The following CADPS variants were observed in gnomAD, a reference collection of about 807,000 sequenced individuals.
CADPS encodes calcium-dependent secretion activator 1.
In CADPS, 57 loss-of-function variants were observed where a neutral mutation model predicts 167.3. The observed-to-expected ratio is 0.34, with a 90% CI of 0.28 to 0.42. The LOEUF (loss-of-function observed/expected upper bound fraction) is 0.42. Ranked by LOEUF, CADPS falls within the 20% of genes least tolerant of loss-of-function variation. The pLI is 1.00. For synonymous variants in CADPS, 676 were observed against 635.3 expected, an observed-to-expected ratio of 1.06 and a Z score of -0.96; for missense variants, 1,414 against 1,738.1, an observed-to-expected ratio of 0.81 and a Z score of 3.32.
At chr3:62,833,993 C>CT (rs1295592998) in intron 1 of CADPS, among the ~76,000 whole-genome samples, 1 of 152,186 alleles carries the variant, frequency 6.6e-6, no homozygotes, top group South Asian at 2.1e-4. Flanking sequence ...CAAATGATCT[C>CT]TTCCTGATGT....
chr3:62,481,291 T>G (rs1447408210), intron 22 of CADPS, among the ~76,000 whole-genome samples: 1 of 152,154 alleles, frequency 6.6e-6, no homozygotes, highest in Non-Finnish European at 1.5e-5. Context: ...CTCTAGGAAT[T>G]TTTTATTTTT....
chr3:62,547,403 T>C (rs2076622390), intron 11 of CADPS, among the ~76,000 whole-genome samples: 1 of 152,110 alleles, frequency 6.6e-6, no homozygotes, highest in African/African-American at 2.4e-5. Flanking sequence ...TAGAACCTGG[T>C]AGATGTAGCA....
rs536259167 is a variant in CADPS, at chr3:62,676,370, T to G, written c.889-13976A>C. ...TTTCATCCTCCATGTAACAGGGAAC[T>G]GTCAATATCCTAACATGGTCTATGC... On this transcript the variant is annotated intron_variant, in intron 3 of 29. Transcript: ENST00000383710. 2.8e-3 allele frequency among the ~76,000 whole-genome samples: 420 copies of G among 152,288 alleles called. 1 individual carries two copies. Among genetic ancestry groups the G allele is most frequent in the Non-Finnish European group, 4.5e-3 (306 of 68,014 alleles).
chr3:62,609,473 G>A (rs1380842692), intron 6 of CADPS, among the ~76,000 whole-genome samples: 2 of 152,150 alleles, frequency 1.3e-5, no homozygotes, highest in Non-Finnish European at 2.9e-5. Flanking sequence ...GTAAAGCCAG[G>A]CATAGCCAGT....
rs532016740 is a variant in CADPS, at chr3:62,742,365, G to A, written c.888+11076C>T. Reference sequence around the variant, plus strand: ...CAAAGCTGAAGGCATCATTCTACCTGACTTCAAACTATACTACAGGGCTAC... The same window carrying A: ...CAAAGCTGAAGGCATCATTCTACCTAACTTCAAACTATACTACAGGGCTAC... On this transcript the variant is annotated intron_variant, in intron 3 of 29. Coordinates refer to ENST00000383710, the MANE Select transcript of CADPS (RefSeq NM_003716.4). Among the ~76,000 whole-genome samples, 5 of 152,244 alleles carry A rather than the reference G, an allele frequency of 3.3e-5. No individual in the cohort carries two copies. In the South Asian group the frequency reaches 1.0e-3, roughly 32 times the overall value.
At chr3:62,408,916 T>C (rs985108655) in intron 28 of CADPS, among the ~76,000 whole-genome samples, 1 of 152,248 alleles carries the variant, frequency 6.6e-6, no homozygotes, top group Non-Finnish European at 1.5e-5. Context: ...TAGAGTCTAC[T>C]GTTTTCAGCA....
intron 6 of CADPS, among the ~76,000 whole-genome samples, chr3:62,638,330 A>G (rs775929919): frequency 4.6e-5 from 7 of 152,108 alleles, no homozygotes; most frequent in Non-Finnish European, 7.4e-5. Context: ...TTACAGGGAA[A>G]TAACTCTATG....
chr3:62,584,798 C>G (rs532631229), intron 8 of CADPS, among the ~76,000 whole-genome samples: 34 of 152,268 alleles, frequency 2.2e-4, no homozygotes, highest in Admixed American at 1.4e-3. Flanking sequence ...CTGCTCACAC[C>G]TCAAAGATGT....
intron 26 of CADPS, among the ~76,000 whole-genome samples, chr3:62,447,171 T>A (rs1035552108): frequency 2.6e-5 from 4 of 152,172 alleles, no homozygotes; most frequent in Non-Finnish European, 4.4e-5. Flanking sequence ...CATGCCAAGT[T>A]CCTTAGCCTT....
chr3:62,690,060 A>G (rs1911189), intron 3 of CADPS, among the ~76,000 whole-genome samples: 132,751 of 151,820 alleles, frequency 0.87, 58,201 homozygotes, highest in East Asian at 0.98. Flanking sequence ...CTACCATGTC[A>G]ACCATGTTTG....
Position 62,874,950 on chromosome 3 carries a change from G to A in CADPS, c.80C>T (p.Ala27Val), listed in dbSNP as rs1482373470. The change falls in exon 1 of 30, where the codon GCC (alanine) becomes GTC (valine). Residue 27 changes from alanine to valine, a missense_variant. Around this residue, in one of 6 missense-constraint regions of CADPS, gnomAD observed 522 missense variants for 559.5 expected, o/e 0.93. Transcript: ENST00000383710. This position sits in a 1 kb window ranked among gnomAD's most constrained non-coding sequence, Gnocchi z 7.1. ...GGGAGACAGGCGCGCGCCGGACGGG[G>A]CCGAGCCGAGCACCTCCTTGCCGCT... ...EESGKEVLGS[A>V]PSGARLSPSR... The A allele has an allele frequency of 5.1e-6, 8 of 1,567,946 alleles. No homozygotes were observed. Among genetic ancestry groups the A allele is most frequent in the Non-Finnish European group, 6.9e-6 (8 of 1,160,048 alleles).
intron 28 of CADPS, among the ~76,000 whole-genome samples, chr3:62,406,396 G>GTTT: frequency 6.6e-6 from 1 of 152,162 alleles, no homozygotes; most frequent in Non-Finnish European, 1.5e-5. Flanking sequence ...GAATGCAGCA[G>GTTT]ATTTGTTATG....
At chr3:62,448,453 G>T (rs146296636) in intron 26 of CADPS, among the ~76,000 whole-genome samples, 1 of 152,014 alleles carries the variant, frequency 6.6e-6, no homozygotes, top group Admixed American at 6.6e-5. Context: ...ACCAGCCCTC[G>T]GTTTGTTAGG....
chr3:62,614,582 T>A (rs1230331925), intron 6 of CADPS, among the ~76,000 whole-genome samples: 2 of 152,246 alleles, frequency 1.3e-5, no homozygotes, highest in Non-Finnish European at 2.9e-5. Context: ...GTATTTGTTG[T>A]CTGGCTCTTG....
At chr3:62,599,648 A>ATATATATTATATATACAATAT (rs2059446564) in intron 6 of CADPS, among the ~76,000 whole-genome samples, 1 of 548 alleles carries the variant, frequency 1.8e-3, no homozygotes, top group African/African-American at 2.4e-3. Context: ...ATAATATATA[A>ATATATATTATATATACAATAT]TATATAATAT....
At chr3:62,789,891 A>G (rs2092783770) in intron 1 of CADPS, among the ~76,000 whole-genome samples, 1 of 152,144 alleles carries the variant, frequency 6.6e-6, no homozygotes. Flanking sequence ...ACTCCCTTCA[A>G]CAAACTTTTA....
chr3:62,590,524 T>A (rs907103684), intron 7 of CADPS, among the ~76,000 whole-genome samples: 2 of 152,214 alleles, frequency 1.3e-5, no homozygotes, highest in Non-Finnish European at 2.9e-5. Context: ...ACACTGTTTT[T>A]TTGTTTTTGC....
rs1025479223 is a variant in CADPS, at chr3:62,791,214, T to C, written c.442-25230A>G. On this transcript the variant is annotated intron_variant, in intron 1 of 29. Coordinates refer to ENST00000383710, the MANE Select transcript of CADPS (RefSeq NM_003716.4). Reference sequence around the variant, plus strand: ...TAGCAGTATAGTGCAATGGGACTTTTTGGAATGGTAGAAGTGCTCTATATC... The same window carrying C: ...TAGCAGTATAGTGCAATGGGACTTTCTGGAATGGTAGAAGTGCTCTATATC... Among the ~76,000 whole-genome samples, 7 of 152,294 alleles carry C rather than the reference T, an allele frequency of 4.6e-5. No individual in the cohort carries two copies. The South Asian group carries it at 1.4e-3, about 32-fold the overall frequency.
At chr3:62,639,511 C>T (rs1014893038) in intron 6 of CADPS, among the ~76,000 whole-genome samples, 3 of 152,134 alleles carry the variant, frequency 2.0e-5, no homozygotes, top group Admixed American at 6.5e-5. Context: ...TTCCAATCAA[C>T]TCTCCTCCAT....
Sources: allele counts gnomAD v4.1 joint callset (sites outside exome capture counted in the v4.1 genomes callset), GRCh38; gene constraint gnomAD v4.1.1; regional missense constraint gnomAD v4.1.1; non-coding constraint Gnocchi (gnomAD v3.1); transcripts MANE v1.5; gene names NCBI Gene and HGNC (gene_info 2026-07-23, HGNC 2026-07-21).